Variants in CELF2 observed in about 807,000 individuals in gnomAD.
The protein encoded by CELF2 is CUG triplet repeat RNA-binding protein 2.
CELF2 carries 8 observed loss-of-function variants against 62.6 expected under a neutral mutation model. The ratio of observed to expected loss-of-function variants is 0.13; its 90% confidence interval spans 0.07 to 0.23. CELF2 has a LOEUF of 0.23. CELF2 is among the 10% of genes least tolerant of loss of function. CELF2 has a pLI of 1.00. For missense variants in CELF2, 333 were observed against 671.0 expected, an observed-to-expected ratio of 0.50 and a Z score of 5.56; for synonymous variants, 258 against 250.0, an observed-to-expected ratio of 1.03 and a Z score of -0.30.
intron 1 of CELF2, chr10:11,092,484 T>A (rs1440165927): frequency 1.3e-5 from 2 of 152,180 alleles, no homozygotes; most frequent in South Asian, 4.1e-4. Context: ...GCAGATAGAT[T>A]TATTTAACGT....
At chr10:11,261,994 G>A (rs183335275) in intron 5 of CELF2, among the ~76,000 whole-genome samples, 53 of 152,282 alleles carry the variant, frequency 3.5e-4, no homozygotes, top group South Asian at 6.2e-4. Context: ...TTTCTGCACC[G>A]TGGCAGTTGA....
At chr10:11,262,117 C>T (rs1356188666) in intron 5 of CELF2, among the ~76,000 whole-genome samples, 8 of 152,182 alleles carry the variant, frequency 5.3e-5, no homozygotes, top group Admixed American at 2.0e-4. Flanking sequence ...AATATTCCAG[C>T]TGTGTTTATG....
chr10:11,118,794 T>G (rs2057112494), intron 1 of CELF2, among the ~76,000 whole-genome samples: 1 of 152,010 alleles, frequency 6.6e-6, no homozygotes, highest in Non-Finnish European at 1.5e-5. Flanking sequence ...AGCTCAGGAG[T>G]CACTTCTCTT....
rs767047282 is a variant in CELF2, at chr10:11,220,343, G to T, written c.354+2836G>T. ...TTGGAGTTTGCTTTCCTCTGTATGCGCCATCTTTCTTTCTTGAGGGACACA... is the reference window on the plus strand; with the variant it reads ...TTGGAGTTTGCTTTCCTCTGTATGCTCCATCTTTCTTTCTTGAGGGACACA... On this transcript the variant is annotated intron_variant, in intron 3 of 12. Coordinates refer to ENST00000633077, the MANE Select transcript of CELF2 (RefSeq NM_001326342.2). This position sits in a 1 kb window ranked among gnomAD's most constrained non-coding sequence, Gnocchi z 4.4. Among the ~76,000 whole-genome samples, 2 of 152,132 alleles carry T rather than the reference G, an allele frequency of 1.3e-5. No homozygotes were observed. The highest frequency in any genetic ancestry group is 1.3e-4 in the Admixed American group (2 of 15,276).
chr10:11,135,224 G>A (rs764345669), intron 1 of CELF2, among the ~76,000 whole-genome samples: 16 of 152,208 alleles, frequency 1.1e-4, no homozygotes, highest in African/African-American at 1.9e-4. Context: ...AAATACTGCC[G>A]TGGGGTTCTC....
rs1202026288 is a variant in CELF2 at position 10,972,021 on chromosome 10, T to G, written c.89+52022T>G. 6.6e-6 allele frequency among the ~76,000 whole-genome samples: 1 copy of G among 152,210 alleles called. No homozygotes were observed. The highest frequency in any genetic ancestry group is 2.4e-5 in the African/African-American group (1 of 41,452). Reference sequence around the variant, plus strand: ...ACCATCCTCATTTCTTCTTAGTGAATCTGTTGCTCTTTTTCAGTCAGTTCA... The same window carrying G: ...ACCATCCTCATTTCTTCTTAGTGAAGCTGTTGCTCTTTTTCAGTCAGTTCA... On this transcript the variant is annotated intron_variant, in intron 2 of 13. Transcript: ENST00000636488. This position sits in a 1 kb window ranked among gnomAD's most constrained non-coding sequence, Gnocchi z 4.4.
chr10:11,028,246 A>G (rs1227530151), intron 1 of CELF2, among the ~76,000 whole-genome samples: 1 of 152,092 alleles, frequency 6.6e-6, no homozygotes, highest in African/African-American at 2.4e-5. Flanking sequence ...GGGGGAAGCA[A>G]AGGCAGTATC....
chr10:11,259,932 G>A (rs976936957), intron 5 of CELF2, among the ~76,000 whole-genome samples: 1 of 152,170 alleles, frequency 6.6e-6, no homozygotes, highest in Admixed American at 6.5e-5. Flanking sequence ...ATCTCCTGTT[G>A]TTATTCTCAG....
At chr10:10,833,685 A>G (rs943390257) in intron 1 of CELF2, among the ~76,000 whole-genome samples, 11 of 152,226 alleles carry the variant, frequency 7.2e-5, no homozygotes, top group South Asian at 6.2e-4. Flanking sequence ...GAAGACATAC[A>G]TGCAGCCAAC....
intron 2 of CELF2, among the ~76,000 whole-genome samples, chr10:10,926,413 C>G (rs944802421): frequency 1.3e-5 from 2 of 152,198 alleles, no homozygotes; most frequent in Non-Finnish European, 2.9e-5. Flanking sequence ...TAAGAAGGCT[C>G]ACACGGATGT....
chr10:10,911,250 A>C (rs1436548678), intron 1 of CELF2, among the ~76,000 whole-genome samples: 6 of 152,172 alleles, frequency 3.9e-5, no homozygotes, highest in African/African-American at 1.4e-4. Flanking sequence ...TCCTCTGCGG[A>C]GGTGATTAAG....
At chr10:10,509,783 GA>G in the CELF2 span, among the ~76,000 whole-genome samples, 1 of 152,132 alleles carries the variant, frequency 6.6e-6, no homozygotes, top group African/African-American at 2.4e-5. Context: ...GTGGAAAACT[GA>G]AAAAGGGACC....
the CELF2 span, among the ~76,000 whole-genome samples, chr10:10,591,200 A>T: frequency 2.6e-5 from 4 of 152,208 alleles, no homozygotes; most frequent in African/African-American, 9.6e-5. Flanking sequence ...AGGAAAGAGA[A>T]GATATATAGA....
chr10:10,895,903 C>T (rs1402973585), intron 1 of CELF2, among the ~76,000 whole-genome samples: 1 of 152,066 alleles, frequency 6.6e-6, no homozygotes, highest in Admixed American at 6.6e-5. Context: ...AGTTTCCAGG[C>T]CATGGCTTGA....
intron 1 of CELF2, among the ~76,000 whole-genome samples, chr10:11,146,211 A>G (rs1479272057): frequency 1.3e-5 from 2 of 152,214 alleles, no homozygotes; most frequent in East Asian, 1.9e-4. Flanking sequence ...TATTTTACAG[A>G]GATTCATTTT....
chr10:10,582,419 T>C, the CELF2 span, among the ~76,000 whole-genome samples: 2 of 152,352 alleles, frequency 1.3e-5, no homozygotes, highest in Admixed American at 6.5e-5. Flanking sequence ...TCCGAGATTA[T>C]ATTTTTTCAT....
intron 2 of CELF2, among the ~76,000 whole-genome samples, chr10:11,215,027 C>A (rs2062941059): frequency 6.6e-6 from 1 of 152,210 alleles, no homozygotes; most frequent in Non-Finnish European, 1.5e-5. Flanking sequence ...CAAAAACCAC[C>A]CACCTTCTTT....
At chr10:11,292,127 C>T (rs773595357) in intron 9 of CELF2, among the ~76,000 whole-genome samples, 1 of 152,122 alleles carries the variant, frequency 6.6e-6, no homozygotes, top group African/African-American at 2.4e-5. Context: ...ACCATTGACC[C>T]TTCAAAGAGT....
chr10:11,162,262 A>G (rs185316635), intron 1 of CELF2, among the ~76,000 whole-genome samples: 24 of 150,562 alleles, frequency 1.6e-4, no homozygotes, highest in Non-Finnish European at 1.9e-4. Context: ...AGAGTGGTCA[A>G]TGGGACAGGA....
Sources: gnomAD v4.1 joint callset for allele counts (sites outside exome capture counted in the v4.1 genomes callset) on GRCh38, gnomAD v4.1.1 for gene constraint, Gnocchi (gnomAD v3.1) non-coding constraint, MANE v1.5 for transcripts, NCBI Gene and HGNC (gene_info 2026-07-23, HGNC 2026-07-21) for gene names.